Variants in SFXN5 observed in about 807,000 individuals in gnomAD.
SFXN5 encodes sideroflexin-5.
In SFXN5, 43 loss-of-function variants were observed where a neutral mutation model predicts 50.2. That is an observed-to-expected ratio of 0.86 (90% CI 0.67 to 1.11). SFXN5 has a LOEUF of 1.11. Ranked by LOEUF, SFXN5 falls within the 50% of genes least tolerant of loss-of-function variation. The probability of loss-of-function intolerance (pLI) is 0.00; values close to 1 mark genes in which losing one functional copy is unlikely to be tolerated. For missense variants in SFXN5, 463 were observed against 454.1 expected, an observed-to-expected ratio of 1.02 and a Z score of -0.18; for synonymous variants, 203 against 185.8, an observed-to-expected ratio of 1.09 and a Z score of -0.75.
At chr2:73,032,775 C>G (rs1241364860) in intron 3 of SFXN5, among the ~76,000 whole-genome samples, 1 of 152,176 alleles carries the variant, frequency 6.6e-6, no homozygotes, top group Non-Finnish European at 1.5e-5. Flanking sequence ...TTAAACAGAG[C>G]CTGAAGGGGA....
intron 12 of SFXN5, 118 bp downstream of exon 12, chr2:72,968,330 C>T (rs1674703553): frequency 1.2e-6 from 1 of 857,012 alleles, no homozygotes. Context: ...CCACCCTCTA[C>T]ACAAACTGGG....
intron 5 of SFXN5, chr2:73,020,728 G>GA (rs977371778): frequency 1.9e-5 from 3 of 155,078 alleles, no homozygotes; most frequent in Admixed American, 6.5e-5. Flanking sequence ...GCCATTTCTG[G>GA]AAAGAAAATT....
In SFXN5 at chr2:72,945,566, C is replaced by T. The variant is rs779816544; in HGVS notation, c.946-467G>A. ...CAGCACCCCACTCACTCCTGCTTCT[C>T]TGTTTCCAGTCCCCTAGACCTAAGC... On this transcript the variant is annotated intron_variant, in intron 13 of 13. Transcript: ENST00000272433. The surrounding 1 kb of genome is among the most constrained non-coding windows in gnomAD (Gnocchi z 5.8). Among the ~76,000 whole-genome samples, 7 of 152,064 alleles carry T rather than the reference C, an allele frequency of 4.6e-5. No individual in the cohort carries two copies. The highest frequency in any genetic ancestry group is 8.8e-5 in the Non-Finnish European group (6 of 67,992).
At position 72,961,261 on chromosome 2, in the gene SFXN5, G is replaced by A; in HGVS notation, c.828-13C>T. ...CAGGAGAGCCGTCCTGTGAGGGAGA[G>A]AGGAGGGAGCCCCATGAGACCCGAA... On this transcript the variant is annotated splice_polypyrimidine_tract_variant and intron_variant, in intron 12 of 13. Transcript: ENST00000272433. The surrounding 1 kb of genome is among the most constrained non-coding windows in gnomAD (Gnocchi z 4.4). 6.6e-7 allele frequency: 1 copy of A among 1,507,262 alleles called. No individual in the cohort carries two copies. The highest frequency in any genetic ancestry group is 8.8e-7 in the Non-Finnish European group (1 of 1,135,666). The allele number at this position is 1,507,262 out of a possible 1,614,324, so 93.4% of individuals were successfully genotyped here. A position where few individuals can be genotyped will look rare whatever the true frequency, so the allele number is the denominator to read the frequency against.
At chr2:73,059,667 C>T in intron 1 of SFXN5, 1 of 963,876 alleles carries the variant, frequency 1.0e-6, no homozygotes, top group Non-Finnish European at 1.2e-6. Context: ...GCCACCCCTA[C>T]CCAGGTGCTG....
At chr2:72,980,890 C>T (rs756116050) in intron 10 of SFXN5, 3 of 151,998 alleles carry the variant, frequency 2.0e-5, no homozygotes, top group Non-Finnish European at 4.4e-5. Context: ...CTCCCTCCCT[C>T]TGCATTACAC....
At chr2:73,041,936 C>T (rs965299211) in intron 2 of SFXN5, among the ~76,000 whole-genome samples, 3 of 152,170 alleles carry the variant, frequency 2.0e-5, no homozygotes, top group African/African-American at 4.8e-5. Flanking sequence ...TGGGCTCAAG[C>T]GAGATCTGCC....
intron 13 of SFXN5, among the ~76,000 whole-genome samples, chr2:72,957,653 T>C (rs934837541): frequency 1.3e-5 from 2 of 152,276 alleles, no homozygotes; most frequent in African/African-American, 4.8e-5. Flanking sequence ...CCCACTGGCT[T>C]CTGGGATGTG....
intron 3 of SFXN5, among the ~76,000 whole-genome samples, chr2:73,038,397 T>C (rs1220377715): frequency 6.6e-6 from 1 of 152,144 alleles, no homozygotes; most frequent in Non-Finnish European, 1.5e-5. Flanking sequence ...ACTGAGTGTG[T>C]AGTGGGTGAA....
At chr2:73,036,153 GAGC>G (rs1255865341) in intron 3 of SFXN5, among the ~76,000 whole-genome samples, 2 of 152,222 alleles carry the variant, frequency 1.3e-5, no homozygotes, top group African/African-American at 2.4e-5. Context: ...CGCTTCAGAT[GAGC>G]AGGGCCAGCC....
chr2:73,000,346 G>T, intron 8 of SFXN5, 85 bp downstream of exon 8: 1 of 1,315,570 alleles, frequency 7.6e-7, no homozygotes, highest in Non-Finnish European at 1.1e-6. Context: ...GGCAGCCACT[G>T]ATGGTGGCAT....
chr2:72,968,394 C>T (rs1463899072), intron 12 of SFXN5, 54 bp downstream of exon 12: 3 of 1,542,954 alleles, frequency 1.9e-6, no homozygotes, highest in Non-Finnish European at 1.8e-6. Context: ...GTTCCCCCTC[C>T]CTCTCCCCCT....
In SFXN5 at chr2:73,039,186, C is replaced by T. The variant is rs898905544; in HGVS notation, c.249+1668G>A. Among the ~76,000 whole-genome samples, 14 of 152,338 alleles carry T rather than the reference C, an allele frequency of 9.2e-5. No individual in the cohort carries two copies. The East Asian group carries it at 2.7e-3, about 29-fold the overall frequency. ...CAAGTGATCCGCCCGCCTTGGCCTCCCAAAGTGCTGGGATTACAGGCATGA... is the reference window on the plus strand; with the variant it reads ...CAAGTGATCCGCCCGCCTTGGCCTCTCAAAGTGCTGGGATTACAGGCATGA... On this transcript the variant is annotated intron_variant, in intron 3 of 13. Coordinates refer to ENST00000272433, the MANE Select transcript of SFXN5 (RefSeq NM_144579.3).
intron 1 of SFXN5, among the ~76,000 whole-genome samples, chr2:73,069,337 T>G: frequency 6.6e-6 from 1 of 151,940 alleles, no homozygotes; most frequent in East Asian, 1.9e-4. Flanking sequence ...TAGAGATGGG[T>G]GGACTTGAGA....
At chr2:73,026,467 T>C (rs995454662) in intron 3 of SFXN5, among the ~76,000 whole-genome samples, 3 of 152,052 alleles carry the variant, frequency 2.0e-5, no homozygotes, top group African/African-American at 7.2e-5. Context: ...TAAGGACATT[T>C]TGGTCAATGA....
Position 73,066,206 on chromosome 2 carries a change from C to A in SFXN5, c.102+5398G>T, listed in dbSNP as rs894507912. Among the ~76,000 whole-genome samples, 7 of 151,788 alleles carry A rather than the reference C, an allele frequency of 4.6e-5. 1 individual carries two copies. The highest frequency in any genetic ancestry group is 1.5e-5 in the Non-Finnish European group (1 of 67,954). On this transcript the variant is annotated intron_variant, in intron 1 of 13. Coordinates refer to ENST00000272433, the MANE Select transcript of SFXN5 (RefSeq NM_144579.3). ...GAGAAGGTGGGGAATTCTACAGGGA[C>A]GAACAACTGCTTCTTCAATAGGAAG... is the stretch of plus-strand genomic sequence containing the variant.
At chr2:72,966,645 A>G (rs1282441171) in intron 12 of SFXN5, among the ~76,000 whole-genome samples, 1 of 152,140 alleles carries the variant, frequency 6.6e-6, no homozygotes, top group Non-Finnish European at 1.5e-5. Flanking sequence ...AGCTGGACCC[A>G]TGAGCGCACT....
In SFXN5 at chr2:73,000,453, T is replaced by A; in HGVS notation, c.446A>T (p.Tyr149Phe). ...LNQSHNACVN[Y>F]ANRNATKPSP... is the part of the protein sequence containing the mutation. ...CACCTTGGTCGCATTGCGGTTTGCA[T>A]AGTTGACACAGGCATTGTGGCTCTG... Residue 149 changes from tyrosine to phenylalanine, a missense_variant, in exon 8 of 14, where the codon TAT (tyrosine) becomes TTT (phenylalanine). By Grantham distance (22) the Tyr-to-Phe change is conservative. Transcript: ENST00000272433. 1 of 1,560,686 alleles carries A rather than the reference T, an allele frequency of 6.4e-7. No individual in the cohort carries two copies. Among genetic ancestry groups the A allele is most frequent in the South Asian group, 1.2e-5 (1 of 84,790 alleles).
intron 8 of SFXN5, among the ~76,000 whole-genome samples, chr2:73,000,081 G>A (rs1188140761): frequency 6.6e-6 from 1 of 152,200 alleles, no homozygotes; most frequent in East Asian, 1.9e-4. Flanking sequence ...TTGCCCCCAA[G>A]TAGCTGATAC....
Sources: gnomAD v4.1 joint callset for allele counts (sites outside exome capture counted in the v4.1 genomes callset) on GRCh38, gnomAD v4.1.1 for gene constraint, Gnocchi (gnomAD v3.1) non-coding constraint, MANE v1.5 for transcripts, NCBI Gene and HGNC (gene_info 2026-07-23, HGNC 2026-07-21) for gene names.